PPP2R2A: variants seen among roughly 807,000 people sequenced by gnomAD.
The protein encoded by PPP2R2A is serine/threonine-protein phosphatase 2A 55 kDa regulatory subunit B alpha isoform.
In PPP2R2A, 9 loss-of-function variants were observed where a neutral mutation model predicts 53.2. That is an observed-to-expected ratio of 0.17 (90% confidence interval 0.10 to 0.30). The LOEUF is 0.30. PPP2R2A is among the 10% of genes least tolerant of loss of function. The probability of loss-of-function intolerance (pLI) is 1.00; values close to 1 mark genes in which losing one functional copy is unlikely to be tolerated. For missense variants in PPP2R2A, 235 were observed against 534.6 expected, an observed-to-expected ratio of 0.44 and a Z score of 5.53; for synonymous variants, 169 against 174.2, an observed-to-expected ratio of 0.97 and a Z score of 0.23.
rs371284307 is a variant in PPP2R2A at position 26,364,026 on chromosome 8, A to G, written c.972+136A>G. On this transcript the variant is annotated intron_variant, in intron 8 of 9. Transcript: ENST00000380737. ...AGGCCTTTTCCCTCAGAGATCTATGAGTATGTTGCTCTTCCTTATGTTAAA... is the reference window on the plus strand; with the variant it reads ...AGGCCTTTTCCCTCAGAGATCTATGGGTATGTTGCTCTTCCTTATGTTAAA... The G allele has an allele frequency of 2.5e-5, 17 of 688,290 alleles. No individual in the cohort carries two copies. In the East Asian group the frequency reaches 4.6e-4, roughly 18 times the overall value. The allele number at this position is 688,290 out of a possible 1,614,324, so 42.6% of individuals were successfully genotyped here. A position where few individuals can be genotyped will look rare whatever the true frequency, so the allele number is the denominator to read the frequency against.
At position 26,371,083 on chromosome 8, in the gene PPP2R2A, A is replaced by C. The variant is rs1460893076; in HGVS notation, c.*670A>C. The C allele has an allele frequency of 6.6e-6, 1 of 152,542 alleles. No homozygotes were observed. Among genetic ancestry groups the C allele is most frequent in the African/African-American group, 2.4e-5 (1 of 41,416 alleles). The allele number at this position is 152,542 out of a possible 1,614,324, so 9.4% of individuals were successfully genotyped here. The stretch of plus-strand genomic sequence containing the variant: ...CACTCCTCGCCGTGTCTGGCACTGA[A>C]AATAAGGAAAAAAAACCTACTACTG... On this transcript the variant is annotated 3_prime_UTR_variant, in exon 10 of 10. Transcript: ENST00000380737.
intron 2 of PPP2R2A, chr8:26,333,634 C>A: frequency 1.3e-6 from 1 of 770,538 alleles, no homozygotes; most frequent in South Asian, 3.3e-5. Context: ...TTATTTGTTA[C>A]ACCCATTTAT....
At chr8:26,301,778 CTA>C (rs1801802033) in intron 2 of PPP2R2A, among the ~76,000 whole-genome samples, 1 of 152,164 alleles carries the variant, frequency 6.6e-6, no homozygotes, top group African/African-American at 2.4e-5. Context: ...GAAGTAAAAA[CTA>C]TTTTCACAGT....
At chr8:26,352,353 A>G (rs1804561580) in intron 3 of PPP2R2A, among the ~76,000 whole-genome samples, 1 of 152,128 alleles carries the variant, frequency 6.6e-6, no homozygotes, top group Non-Finnish European at 1.5e-5. Context: ...TCCCCTCCCA[A>G]AGTGTTAGGA....
intron 2 of PPP2R2A, among the ~76,000 whole-genome samples, chr8:26,313,001 T>C (rs552814483): frequency 6.6e-6 from 1 of 152,164 alleles, no homozygotes; most frequent in Non-Finnish European, 1.5e-5. Flanking sequence ...CAAACTCTTT[T>C]AGCTATTTCT....
At chr8:26,312,586 CTT>C (rs1376611529) in intron 2 of PPP2R2A, among the ~76,000 whole-genome samples, 1 of 152,192 alleles carries the variant, frequency 6.6e-6, no homozygotes, top group African/African-American at 2.4e-5. Context: ...TAAAATACCT[CTT>C]TGGGAGTTTT....
chr8:26,323,743 G>A (rs967199866), intron 2 of PPP2R2A, among the ~76,000 whole-genome samples: 4 of 152,164 alleles, frequency 2.6e-5, no homozygotes, highest in African/African-American at 7.2e-5. Flanking sequence ...GCTCCTGGAT[G>A]TGTTCTAGTT....
intron 3 of PPP2R2A, chr8:26,350,464 C>CT (rs1804436405): frequency 2.6e-5 from 4 of 152,192 alleles, no homozygotes; most frequent in Admixed American, 2.6e-4. Flanking sequence ...CAGTGGTGCG[C>CT]TTACAGCTCA....
intron 2 of PPP2R2A, among the ~76,000 whole-genome samples, chr8:26,336,461 C>T (rs561718555): frequency 6.6e-6 from 1 of 152,050 alleles, no homozygotes; most frequent in Non-Finnish European, 1.5e-5. Flanking sequence ...AATGTGCCTT[C>T]CCACCCCACC....
chr8:26,339,279 C>G (rs1803819604), intron 3 of PPP2R2A, among the ~76,000 whole-genome samples: 1 of 152,150 alleles, frequency 6.6e-6, no homozygotes, highest in African/African-American at 2.4e-5. Flanking sequence ...GGTTTTGAAG[C>G]CTTGGCCCTT....
At chr8:26,348,644 A>G (rs1325992184) in intron 3 of PPP2R2A, among the ~76,000 whole-genome samples, 1 of 152,218 alleles carries the variant, frequency 6.6e-6, no homozygotes, top group Non-Finnish European at 1.5e-5. Flanking sequence ...GATAAGGGAT[A>G]CTCAGCCTGT....
intron 2 of PPP2R2A, among the ~76,000 whole-genome samples, chr8:26,325,697 A>G (rs77480415): frequency 6.6e-6 from 1 of 152,194 alleles, no homozygotes; most frequent in African/African-American, 2.4e-5. Flanking sequence ...AAGTTTGTTC[A>G]CTTATGACCC....
At position 26,363,899 on chromosome 8, in the gene PPP2R2A, G is replaced by A. The variant is rs996315322; in HGVS notation, c.972+9G>A. The stretch of plus-strand genomic sequence containing the variant: ...CTGTGGAAACATACCAGGTATTTGA[G>A]TTTTTTCTTTCAATGAGCATATACC... On this transcript the variant is annotated intron_variant, in intron 8 of 9. Transcript: ENST00000380737. 1.3e-6 allele frequency: 2 copies of A among 1,572,958 alleles called. No homozygotes were observed. Among genetic ancestry groups the A allele is most frequent in the Non-Finnish European group, 8.7e-7 (1 of 1,155,474 alleles).
At chr8:26,308,632 G>T (rs1802131404) in intron 2 of PPP2R2A, among the ~76,000 whole-genome samples, 1 of 152,088 alleles carries the variant, frequency 6.6e-6, no homozygotes, top group South Asian at 2.1e-4. Context: ...CACTACTTCT[G>T]CAGTTACTTC....
intron 2 of PPP2R2A, among the ~76,000 whole-genome samples, chr8:26,324,103 A>C (rs745381320): frequency 2.0e-5 from 3 of 152,158 alleles, no homozygotes; most frequent in Non-Finnish European, 2.9e-5. Flanking sequence ...CAAGTTTGCC[A>C]GCCTCTTTTC....
intron 2 of PPP2R2A, among the ~76,000 whole-genome samples, chr8:26,307,478 C>T (rs1408547393): frequency 3.3e-5 from 5 of 152,272 alleles, no homozygotes; most frequent in East Asian, 1.9e-4. Flanking sequence ...TCAGTAAACA[C>T]GTAGGCCTTT....
rs1265869706 is a variant in PPP2R2A at position 26,299,716 on chromosome 8, CTCTT to C, written c.82+5978_82+5981del. 1.3e-4 allele frequency among the ~76,000 whole-genome samples: 19 copies of C among 149,484 alleles called. No homozygotes were observed. In the East Asian group the frequency reaches 3.5e-3, roughly 27 times the overall value. On this transcript the variant is annotated intron_variant, in intron 2 of 9. Transcript: ENST00000380737. ...ATTTAAAATCATTTCTCTTCTGCAT[CTCTT>C]TTTTTTTTTTTTGTTAGAGACAAGG...
At chr8:26,332,576 C>T (rs1803442398) in intron 2 of PPP2R2A, among the ~76,000 whole-genome samples, 1 of 152,040 alleles carries the variant, frequency 6.6e-6, no homozygotes, top group Admixed American at 6.6e-5. Context: ...TTTTCTTAAG[C>T]ATTTACTGAA....
intron 3 of PPP2R2A, among the ~76,000 whole-genome samples, chr8:26,349,861 A>G (rs1471114562): frequency 6.6e-6 from 1 of 152,222 alleles, no homozygotes; most frequent in Non-Finnish European, 1.5e-5. Context: ...TTTTTGCTGT[A>G]CAATCATGAG....
Sources: allele counts gnomAD v4.1 joint callset (sites outside exome capture counted in the v4.1 genomes callset), GRCh38; gene constraint gnomAD v4.1.1; transcripts MANE v1.5; gene names NCBI Gene and HGNC (gene_info 2026-07-23, HGNC 2026-07-21).